The following PPIG variants were observed in gnomAD, a reference collection of about 807,000 sequenced individuals.
PPIG encodes the protein peptidyl-prolyl cis-trans isomerase G.
In PPIG, 26 loss-of-function variants were observed where a neutral mutation model predicts 87.9. The observed-to-expected ratio is 0.30, with a 90% CI of 0.22 to 0.41. PPIG has a LOEUF of 0.41. Ranked by LOEUF, PPIG falls within the 10% of genes least tolerant of loss-of-function variation. The probability of loss-of-function intolerance (pLI) is 1.00; values close to 1 mark genes in which losing one functional copy is unlikely to be tolerated. For synonymous variants in PPIG, 308 were observed against 276.5 expected, an observed-to-expected ratio of 1.11 and a Z score of -1.13; for missense variants, 722 against 879.4, an observed-to-expected ratio of 0.82 and a Z score of 2.26.
intron 7 of PPIG, among the ~76,000 whole-genome samples, chr2:169,613,803 A>G (rs927216881): frequency 6.6e-6 from 1 of 152,130 alleles, no homozygotes; most frequent in Non-Finnish European, 1.5e-5. Flanking sequence ...GCATGCACCT[A>G]TAGTCCCAGC....
chr2:169,609,430 C>A (rs1685426732), intron 7 of PPIG, among the ~76,000 whole-genome samples: 1 of 130,668 alleles, frequency 7.7e-6, no homozygotes, highest in East Asian at 2.7e-4. Context: ...AGGCTGGACT[C>A]CAGGCTGGGA....
chr2:169,631,744 T>C (rs768790874), intron 10 of PPIG, 22 bp from the exon 11 acceptor site: 2 of 1,613,302 alleles, frequency 1.2e-6, no homozygotes, highest in South Asian at 1.1e-5. Context: ...GTAACTTGTT[T>C]TGTGTGTTTC....
intron 1 of PPIG, among the ~76,000 whole-genome samples, chr2:169,601,785 G>A (rs538796832): frequency 9.9e-5 from 15 of 152,130 alleles, no homozygotes; most frequent in African/African-American, 2.7e-4. Context: ...ATTTAGAGCC[G>A]TATAATTGAA....
In PPIG at chr2:169,640,704, G is replaced by A. The variant is rs1312292961; in HGVS notation, c.*3181G>A. On this transcript the variant is annotated 3_prime_UTR_variant, in exon 14 of 14. Transcript: ENST00000260970. ...ATTATAGGTTGATAAGCTGTTTATTGTGAAAAGATGTGTTTTGTTACAAAT... is the reference window on the plus strand; with the variant it reads ...ATTATAGGTTGATAAGCTGTTTATTATGAAAAGATGTGTTTTGTTACAAAT... 1 of 152,116 alleles carries A rather than the reference G, an allele frequency of 6.6e-6. No individual in the cohort carries two copies. The highest frequency in any genetic ancestry group is 6.6e-5 in the Admixed American group (1 of 15,262). 9.4% of individuals were successfully genotyped at this position (152,116 alleles called of 1,614,324 possible).
At chr2:169,593,650 CT>C (rs57902378) in intron 1 of PPIG, among the ~76,000 whole-genome samples, 36,925 of 105,172 alleles carry the variant, frequency 0.35, 3,230 homozygotes, top group East Asian at 0.46. Context: ...TGCTTTATAT[CT>C]TTTTTTTTTT....
chr2:169,604,033 A>T lies in PPIG; in HGVS notation c.-9A>T. ...ACTGTATTTTACTCACAGATTAAGT[A>T]TTGGAGCCATGGGAATAAAGGTTCA... On this transcript the variant is annotated 5_prime_UTR_variant, in exon 3 of 14. Coordinates refer to ENST00000260970, the MANE Select transcript of PPIG (RefSeq NM_004792.3). 6.2e-7 allele frequency: 1 copy of T among 1,612,674 alleles called. No homozygotes were observed. Among genetic ancestry groups the T allele is most frequent in the Non-Finnish European group, 8.5e-7 (1 of 1,178,906 alleles).
At chr2:169,618,701 C>G (rs1415768003) in intron 9 of PPIG, among the ~76,000 whole-genome samples, 2 of 152,064 alleles carry the variant, frequency 1.3e-5, no homozygotes, top group African/African-American at 4.8e-5. Flanking sequence ...GTGGTGATCT[C>G]CCCTTTATCA....
At chr2:169,631,710 T>C in intron 10 of PPIG, 56 bp from the exon 11 acceptor site, 1 of 1,610,520 alleles carries the variant, frequency 6.2e-7, no homozygotes, top group Non-Finnish European at 8.5e-7. Flanking sequence ...ATTGGATACT[T>C]CCGTAAGGAC....
intron 1 of PPIG, among the ~76,000 whole-genome samples, chr2:169,587,893 CACCT>C (rs1432227296): frequency 6.6e-6 from 1 of 152,146 alleles, no homozygotes; most frequent in Non-Finnish European, 1.5e-5. Context: ...TGGTGGCTCA[CACCT>C]GAAATCCCAG....
At chr2:169,635,749 G>GGAGAA (rs1202510375) in intron 12 of PPIG, among the ~76,000 whole-genome samples, 3 of 152,150 alleles carry the variant, frequency 2.0e-5, no homozygotes, top group African/African-American at 7.2e-5. Flanking sequence ...TACTTGGTTA[G>GGAGAA]GACTCTTCCA....
At chr2:169,611,006 C>G (rs781695230) in intron 7 of PPIG, among the ~76,000 whole-genome samples, 1 of 152,022 alleles carries the variant, frequency 6.6e-6, no homozygotes, top group African/African-American at 2.4e-5. Flanking sequence ...GTTAGGTGTT[C>G]GAGACCAGCC....
intron 1 of PPIG, among the ~76,000 whole-genome samples, chr2:169,596,257 A>G (rs572981624): frequency 9.3e-5 from 14 of 150,252 alleles, no homozygotes; most frequent in African/African-American, 3.4e-4. Flanking sequence ...GGCACACGCC[A>G]TCATGCCCTG....
Position 169,620,479 on chromosome 2 carries a change from TTTG to T in PPIG, c.547+5767_547+5769del, listed in dbSNP as rs143447352. On this transcript the variant is annotated intron_variant, in intron 9 of 13. Transcript: ENST00000260970. ...TTTGCCCTTTTGCTTCCACTGAGTT[TTTG>T]TTGTTGTTGTTTTTTGTTTGTTTTT... Among the ~76,000 whole-genome samples the T allele has an allele frequency of 3.1e-3, 470 of 152,216 alleles. 5 individuals are homozygous for T. The highest frequency in any genetic ancestry group is 9.4e-3 in the African/African-American group (389 of 41,552).
intron 1 of PPIG, among the ~76,000 whole-genome samples, chr2:169,601,239 TTTG>T (rs1379520836): frequency 7.9e-5 from 12 of 152,234 alleles, no homozygotes; most frequent in Non-Finnish European, 1.6e-4. Flanking sequence ...TTTCCATTTT[TTTG>T]TTGTTGTTAC....
chr2:169,608,273 G>C (rs950138567), intron 6 of PPIG, among the ~76,000 whole-genome samples: 25 of 151,984 alleles, frequency 1.6e-4, no homozygotes, highest in African/African-American at 5.8e-4. Flanking sequence ...GGCGGATCAC[G>C]ATGTCAGGAA....
intron 1 of PPIG, among the ~76,000 whole-genome samples, chr2:169,594,782 G>A (rs1051364368): frequency 6.6e-6 from 1 of 151,034 alleles, no homozygotes; most frequent in Non-Finnish European, 1.5e-5. Context: ...ACATCACTAC[G>A]CTCAGCTAAT....
chr2:169,597,751 G>A (rs1685059272), intron 1 of PPIG, among the ~76,000 whole-genome samples: 2 of 151,824 alleles, frequency 1.3e-5, no homozygotes, highest in African/African-American at 4.8e-5. Flanking sequence ...CACTTGCCTT[G>A]ACCTCCCAAA....
intron 9 of PPIG, among the ~76,000 whole-genome samples, chr2:169,629,541 A>G (rs978741569): frequency 6.6e-6 from 1 of 152,166 alleles, no homozygotes; most frequent in African/African-American, 2.4e-5. Flanking sequence ...CTTGAAATGT[A>G]TTTCTCAGAA....
In PPIG at chr2:169,590,403, G is replaced by A. The variant is rs372036912; in HGVS notation, c.-70+5913G>A. The stretch of plus-strand genomic sequence containing the variant: ...AGCCTGTAACGCCAGCACTTTGGGA[G>A]GCCGAGGCAGGCGGATCACCAGGTC... On this transcript the variant is annotated intron_variant, in intron 1 of 13. Coordinates refer to ENST00000260970, the MANE Select transcript of PPIG (RefSeq NM_004792.3). Among the ~76,000 whole-genome samples the A allele has an allele frequency of 3.3e-5, 5 of 152,312 alleles. No individual in the cohort carries two copies. In the East Asian group the frequency reaches 9.7e-4, roughly 29 times the overall value.
Sources: gnomAD v4.1 joint callset for allele counts (sites outside exome capture counted in the v4.1 genomes callset) on GRCh38, gnomAD v4.1.1 for gene constraint, MANE v1.5 for transcripts, NCBI Gene and HGNC (gene_info 2026-07-23, HGNC 2026-07-21) for gene names.